VPS13B: variants seen among roughly 807,000 people sequenced by gnomAD.
VPS13B encodes intermembrane lipid transfer protein VPS13B.
A neutral mutation model predicts 426.4 loss-of-function variants in VPS13B; 285 were observed. That is an observed-to-expected ratio of 0.67 (90% CI 0.61 to 0.74). The LOEUF (loss-of-function observed/expected upper bound fraction) is 0.74. Ranked by LOEUF, VPS13B falls within the 30% of genes least tolerant of loss-of-function variation. The probability of loss-of-function intolerance (pLI) is 0.00; values close to 1 mark genes in which losing one functional copy is unlikely to be tolerated. For synonymous variants in VPS13B, 1,676 were observed against 1,676.4 expected (o/e 1.00, Z 0.01); for missense variants, 4,537 against 4,782.6 (o/e 0.95, Z 1.51).
At chr8:99,367,113 G>A (rs915774044) in intron 19 of VPS13B, among the ~76,000 whole-genome samples, 3 of 152,086 alleles carry the variant, frequency 2.0e-5, no homozygotes, top group Non-Finnish European at 4.4e-5. Context: ...ACCTTCAGAT[G>A]TTTTCTTATT....
intron 19 of VPS13B, among the ~76,000 whole-genome samples, chr8:99,360,659 G>A (rs1030111926): frequency 5.3e-5 from 8 of 152,088 alleles, no homozygotes; most frequent in African/African-American, 1.7e-4. Context: ...GTTATTTTAT[G>A]ATTATACTTT....
chr8:99,709,205 G>A (rs1832615401), intron 36 of VPS13B, among the ~76,000 whole-genome samples: 1 of 152,100 alleles, frequency 6.6e-6, no homozygotes, highest in Non-Finnish European at 1.5e-5. Flanking sequence ...ATTACTTACA[G>A]CTGGATAAAA....
intron 19 of VPS13B, among the ~76,000 whole-genome samples, chr8:99,277,679 T>C (rs1418961857): frequency 6.6e-6 from 1 of 152,214 alleles, no homozygotes; most frequent in African/African-American, 2.4e-5. Context: ...CTTACTTATT[T>C]TTCTACACTC....
At chr8:99,622,305 C>G (rs1021202073) in intron 33 of VPS13B, among the ~76,000 whole-genome samples, 9 of 152,136 alleles carry the variant, frequency 5.9e-5, no homozygotes, top group Admixed American at 5.2e-4. Flanking sequence ...GGTCCCATAA[C>G]AGGGAAGTGG....
At chr8:99,657,494 G>GTGTGTGTGTGTGTGTA (rs1830066857) in intron 34 of VPS13B, among the ~76,000 whole-genome samples, 1 of 151,702 alleles carries the variant, frequency 6.6e-6, no homozygotes, top group Non-Finnish European at 1.5e-5. Context: ...GTGTGTGTGT[G>GTGTGTGTGTGTGTGTA]TATGCAGATA....
Position 99,641,890 on chromosome 8 carries a change from A to G in VPS13B, c.5300A>G (p.Gln1767Arg). 6.2e-7 allele frequency: 1 copy of G among 1,614,120 alleles called. No homozygotes were observed. Among genetic ancestry groups the G allele is most frequent in the Non-Finnish European group, 8.5e-7 (1 of 1,180,004 alleles). ...AETSSRYSGA[Q>R]DSGIGSDSVK... ...ACCTCATCTCGCTACAGTGGTGCTC[A>G]GGATAGTGGAATTGGCAGTGACAGT... Residue 1767 changes from glutamine to arginine, a missense_variant, in exon 34 of 62, where the codon CAG becomes CGG. Transcript: ENST00000357162.
At chr8:99,548,139 T>C (rs1824089143) in intron 30 of VPS13B, among the ~76,000 whole-genome samples, 2 of 152,108 alleles carry the variant, frequency 1.3e-5, no homozygotes. Context: ...GATTAGCTGC[T>C]TAGTAAAGTA....
intron 58 of VPS13B, chr8:99,867,945 G>A (rs1055897121): frequency 1.1e-5 from 4 of 354,348 alleles, no homozygotes; most frequent in Non-Finnish European, 2.2e-5. Flanking sequence ...CTGCTCCTGA[G>A]GAACTGTTAG....
At chr8:99,219,146 G>A (rs1171406875) in intron 17 of VPS13B, among the ~76,000 whole-genome samples, 1 of 152,120 alleles carries the variant, frequency 6.6e-6, no homozygotes, top group Non-Finnish European at 1.5e-5. Flanking sequence ...TTTCCAAGTG[G>A]CAGCGTAAAC....
chr8:99,122,293 G>A (rs1187020090), intron 8 of VPS13B, among the ~76,000 whole-genome samples: 1 of 151,250 alleles, frequency 6.6e-6, no homozygotes, highest in Non-Finnish European at 1.5e-5. Context: ...ATAACTTGAC[G>A]ACTTCCTCCA....
intron 19 of VPS13B, among the ~76,000 whole-genome samples, chr8:99,286,971 A>G (rs544235698): frequency 1.3e-5 from 2 of 152,120 alleles, no homozygotes; most frequent in African/African-American, 4.8e-5. Context: ...TTACTTTTCA[A>G]ATATTGCCGT....
intron 41 of VPS13B, among the ~76,000 whole-genome samples, chr8:99,777,467 T>C (rs1347421452): frequency 1.3e-5 from 2 of 152,154 alleles, no homozygotes; most frequent in Non-Finnish European, 2.9e-5. Flanking sequence ...CTCGTGAGAC[T>C]TATTCACTAT....
chr8:99,512,568 A>G (rs1358461789), intron 29 of VPS13B, among the ~76,000 whole-genome samples: 2 of 152,242 alleles, frequency 1.3e-5, no homozygotes, highest in Non-Finnish European at 2.9e-5. Context: ...AGACACAGAC[A>G]TAAAAGATTG....
chr8:99,728,036 A>T (rs1833422978), intron 39 of VPS13B, among the ~76,000 whole-genome samples: 1 of 152,238 alleles, frequency 6.6e-6, no homozygotes, highest in Non-Finnish European at 1.5e-5. Flanking sequence ...GAGAAAGTAT[A>T]TCATACACTG....
At chr8:99,379,141 T>C (rs1813655684) in intron 19 of VPS13B, among the ~76,000 whole-genome samples, 1 of 152,174 alleles carries the variant, frequency 6.6e-6, no homozygotes, top group East Asian at 1.9e-4. Context: ...TTTATGAGAA[T>C]TGAATTAATG....
At chr8:99,427,457 A>T (rs1816787300) in intron 21 of VPS13B, among the ~76,000 whole-genome samples, 1 of 151,286 alleles carries the variant, frequency 6.6e-6, no homozygotes, top group South Asian at 2.1e-4. Context: ...GAAGAAAGTC[A>T]TTGGTAGCTT....
At chr8:99,403,463 C>T (rs9649988) in intron 21 of VPS13B, among the ~76,000 whole-genome samples, 14,241 of 151,002 alleles carry the variant, frequency 0.094, 880 homozygotes, top group Non-Finnish European at 0.14. Flanking sequence ...GCAGGAGAAT[C>T]GCTCGAACCC....
chr8:99,156,550 A>C lies in VPS13B; in HGVS notation c.2015A>C (p.Asn672Thr). Residue 672 changes from asparagine to threonine, a missense_variant and splice_region_variant, in exon 15 of 62, where the codon AAC becomes ACC. Transcript: ENST00000357162. ...AAAGCGAACACTATTATTTTCTAGA[A>C]CTCAAGTAACTTCATGAATACTACA... ...HLLPVIMGEK[N>T]SSNFMNTTNF... 1 of 1,613,894 alleles carries C rather than the reference A, an allele frequency of 6.2e-7. No individual in the cohort carries two copies. The highest frequency in any genetic ancestry group is 8.5e-7 in the Non-Finnish European group (1 of 1,179,838).
rs575360653 is a variant in VPS13B, at chr8:99,831,850, C to T, written c.9331-519C>T. 2.0e-5 allele frequency among the ~76,000 whole-genome samples: 3 copies of T among 152,300 alleles called. No individual in the cohort carries two copies. In the East Asian group the frequency reaches 5.8e-4, roughly 29 times the overall value. ...GGGACTTGAGCATCCGTGGTATTCT[C>T]ACTGCTTCTAATTATTTCATTAGGA... On this transcript the variant is annotated intron_variant, in intron 51 of 61. Transcript: ENST00000357162.
Sources: allele counts gnomAD v4.1 joint callset (sites outside exome capture counted in the v4.1 genomes callset), GRCh38; gene constraint gnomAD v4.1.1; transcripts MANE v1.5; gene names NCBI Gene and HGNC (gene_info 2026-07-23, HGNC 2026-07-21).